Variants in MAGEE1 observed in about 807,000 individuals in gnomAD.
MAGEE1 encodes MAGE family member E1.
MAGEE1 carries 3 observed loss-of-function variants against 12.0 expected under a neutral mutation model. The ratio of observed to expected loss-of-function variants is 0.25; its 90% CI spans 0.11 to 0.65. The LOEUF is 0.65. Ranked by LOEUF, MAGEE1 falls within the 30% of genes least tolerant of loss-of-function variation. The pLI, the probability that MAGEE1 is intolerant of heterozygous loss-of-function variation, is 0.84. For synonymous variants in MAGEE1, 414 were observed against 326.1 expected, an observed-to-expected ratio of 1.27 and a Z score of -2.91; for missense variants, 729 against 772.2, an observed-to-expected ratio of 0.94 and a Z score of 0.66.
In MAGEE1 at chrX:76,431,126, A is replaced by G. The variant is rs1923375266; in HGVS notation, c.*322A>G. 5.0e-6 allele frequency: 1 copy of G among 198,843 alleles called. No individual in the cohort carries two copies. Among genetic ancestry groups the G allele is most frequent in the Admixed American group, 7.3e-5 (1 of 13,649 alleles). The allele number at this position is 198,843 out of a possible 1,213,427, so 16.4% of individuals were successfully genotyped here. On this transcript the variant is annotated 3_prime_UTR_variant, in exon 1 of 1. Transcript: ENST00000361470. ...AAGAATATAGCATATAGCTATAGAT[A>G]TAGGCTTTTCCTTGAAAGCTTGAAA...
Position 76,430,514 on chromosome X carries a change from C to G in MAGEE1, c.2584C>G (p.Arg862Gly). ...ARESAVWAFLRGLGVQAGRKH... is the reference protein window; with the variant it reads ...ARESAVWAFLGGLGVQAGRKH... ...GGAGTCTGCAGTCTGGGCCTTTCTG[C>G]GGGGCTTAGGGGTTCAAGCTGGGAG... Residue 862 changes from arginine to glycine, a missense_variant, in exon 1 of 1, where the codon CGG (arginine) becomes GGG (glycine). This residue lies in a region of MAGEE1 where 101 missense variants were observed against 161.3 expected (regional missense o/e 0.63). Transcript: ENST00000361470. The G allele has an allele frequency of 8.3e-7, 1 of 1,208,088 alleles. No homozygotes were observed. The highest frequency in any genetic ancestry group is 1.1e-6 in the Non-Finnish European group (1 of 893,785).
In MAGEE1 at chrX:76,431,036, G is replaced by A; in HGVS notation, c.*232G>A. 1 of 358,946 alleles carries A rather than the reference G, an allele frequency of 2.8e-6. No homozygotes were observed. The highest frequency in any genetic ancestry group is 4.9e-6 in the Non-Finnish European group (1 of 202,374). The allele number at this position is 358,946 out of a possible 1,213,427, so 29.6% of individuals were successfully genotyped here. On this transcript the variant is annotated 3_prime_UTR_variant, in exon 1 of 1. Coordinates refer to ENST00000361470, the MANE Select transcript of MAGEE1 (RefSeq NM_020932.3). ...CACTTGCTGTCTCTGTTGTATTTTG[G>A]TATGAGTTTTGATAGCTCTATAAAA...
rs782122940 is a variant in MAGEE1 at position 76,429,001 on chromosome X, G to A, written c.1071G>A (p.Leu357=). The change falls in exon 1 of 1, where the codon CTG becomes CTA. Residue 357 remains leucine, a synonymous_variant. Coordinates refer to ENST00000361470, the MANE Select transcript of MAGEE1 (RefSeq NM_020932.3). Reference sequence around the variant, plus strand: ...GTGAGGGACCAAGCACTTCCGTACTGCCAATCCCCGGTGAGGGACTGAGCA... The same window carrying A: ...GTGAGGGACCAAGCACTTCCGTACTACCAATCCCCGGTGAGGGACTGAGCA... ...TPGEGPSTSV[L]PIPGEGLSTS... The A allele has an allele frequency of 2.1e-5, 26 of 1,210,489 alleles. No individual in the cohort carries two copies. The Admixed American group carries it at 5.2e-4, about 24-fold the overall frequency.
In MAGEE1 at chrX:76,429,356, C is replaced by T. The variant is rs782578239; in HGVS notation, c.1426C>T (p.Leu476Phe). 3.3e-6 allele frequency: 4 copies of T among 1,211,536 alleles called. No individual in the cohort carries two copies. In the East Asian group the frequency reaches 8.9e-5, roughly 27 times the overall value. Residue 476 changes from leucine (L) to phenylalanine (F), a missense_variant, in exon 1 of 1, where the codon CTC (leucine) becomes TTC (phenylalanine). Leu to Phe is a conservative substitution (Grantham distance 22). Transcript: ENST00000361470. ...ESPNSISIMG[L>F]NTSRVAITLK... ...CCCCAACTCCATTAGTATTATGGGC[C>T]TCAATACTTCCCGGGTTGCAATTAC... is the stretch of plus-strand genomic sequence containing the variant.
In MAGEE1 at chrX:76,429,994, C is replaced by A. The variant is rs782489423; in HGVS notation, c.2064C>A (p.Asn688Lys). The A allele has an allele frequency of 3.6e-5, 44 of 1,209,869 alleles. No homozygotes were observed. The highest frequency in any genetic ancestry group is 4.7e-5 in the Non-Finnish European group (42 of 894,607). ...CTATGGATTGGCCAGAGAAATACAACGAAGCTCTGGAAGAAGATGCTGCCA... is the reference window on the plus strand; with the variant it reads ...CTATGGATTGGCCAGAGAAATACAAAGAAGCTCTGGAAGAAGATGCTGCCA... ...KDPMDWPEKY[N>K]EALEEDAARA... The change falls in exon 1 of 1, where the codon AAC (asparagine) becomes AAA (lysine). Residue 688 changes from asparagine (N) to lysine (K), a missense_variant. Asn to Lys is a moderately conservative substitution (Grantham distance 94). Coordinates refer to ENST00000361470, the MANE Select transcript of MAGEE1 (RefSeq NM_020932.3).
rs781783810 is a variant in MAGEE1 at position 76,429,064 on chromosome X, C to T, written c.1134C>T (p.Thr378=). 1.7e-6 allele frequency: 2 copies of T among 1,211,893 alleles called. No homozygotes were observed. Among genetic ancestry groups the T allele is most frequent in the Non-Finnish European group, 2.2e-6 (2 of 895,409 alleles). Residue 378 remains threonine, a synonymous_variant, in exon 1 of 1, where the codon ACC becomes ACT. Coordinates refer to ENST00000361470, the MANE Select transcript of MAGEE1 (RefSeq NM_020932.3). ...VPPTASDGSD[T]SVPPTPGEGA... ...CCACCGCCTCTGATGGATCGGACAC[C>T]TCCGTGCCGCCCACTCCTGGTGAGG...
Position 76,430,323 on chromosome X carries a change from A to C in MAGEE1, c.2393A>C (p.Tyr798Ser). The change falls in exon 1 of 1, where the codon TAT becomes TCT. Residue 798 changes from tyrosine to serine, a missense_variant. Physicochemically the swap from Tyr to Ser is moderately radical, Grantham distance 144. Transcript: ENST00000361470. ...GCTGCCCGCACCCTGAACCATGTCT[A>C]TGGGACAGAACTAGTGGTACTTGAT... ...NRAARTLNHVYGTELVVLDPR... is the reference protein window; with the variant it reads ...NRAARTLNHVSGTELVVLDPR... The C allele has an allele frequency of 8.3e-7, 1 of 1,211,945 alleles. No individual in the cohort carries two copies.
chrX:76,428,826 C>A lies in MAGEE1; in HGVS notation c.896C>A (p.Thr299Asn), dbSNP rs782710700. The A allele has an allele frequency of 8.3e-7, 1 of 1,209,958 alleles. No homozygotes were observed. The highest frequency in any genetic ancestry group is 1.1e-6 in the Non-Finnish European group (1 of 894,787). ...GKGSSTSVPPTATEGLSTSVQ... is the reference protein window; with the variant it reads ...GKGSSTSVPPNATEGLSTSVQ... ...GGATCAAGCACCTCCGTGCCCCCCACCGCCACCGAGGGCCTGAGCACCTCC... is the reference window on the plus strand; with the variant it reads ...GGATCAAGCACCTCCGTGCCCCCCAACGCCACCGAGGGCCTGAGCACCTCC... Residue 299 changes from threonine to asparagine, a missense_variant, in exon 1 of 1, where the codon ACC (threonine) becomes AAC (asparagine). Physicochemically the swap from Thr to Asn is moderately conservative, Grantham distance 65. Transcript: ENST00000361470.
rs782105741 is a variant in MAGEE1, at chrX:76,428,688, A to T, written c.758A>T (p.Asp253Val). The change falls in exon 1 of 1, where the codon GAT becomes GTT. Residue 253 changes from aspartate (D) to valine (V), a missense_variant. Physicochemically the swap from Asp to Val is radical, Grantham distance 152 (BLOSUM62 -3). Transcript: ENST00000361470. ...GLSTPVPPTR[D>V]EGPSTSVPAT... ...AGCACCCCCGTGCCACCCACCCGTG[A>T]TGAGGGACCGAGCACCTCCGTGCCG... 3.5e-6 allele frequency: 4 copies of T among 1,135,398 alleles called. No homozygotes were observed. The allele number at this position is 1,135,398 out of a possible 1,213,427, so 93.6% of individuals were successfully genotyped here.
Position 76,430,138 on chromosome X carries a change from C to G in MAGEE1, c.2208C>G (p.Ala736=). Residue 736 remains alanine, a synonymous_variant, in exon 1 of 1, where the codon GCC becomes GCG. Coordinates refer to ENST00000361470, the MANE Select transcript of MAGEE1 (RefSeq NM_020932.3). The part of the protein sequence containing the change: ...SEVSSYSSKY[A]PHSWPESRLE... ...TTTCCAGCTATTCCTCAAAATATGC[C>G]CCACATTCATGGCCTGAGTCAAGAT... is the stretch of plus-strand genomic sequence containing the variant. The G allele has an allele frequency of 1.7e-6, 2 of 1,211,470 alleles. No homozygotes were observed. Among genetic ancestry groups the G allele is most frequent in the Non-Finnish European group, 2.2e-6 (2 of 895,472 alleles).
In MAGEE1 at chrX:76,430,806, G is replaced by A; in HGVS notation, c.*2G>A. 8.6e-7 allele frequency: 1 copy of A among 1,158,511 alleles called. No homozygotes were observed. Among genetic ancestry groups the A allele is most frequent in the Non-Finnish European group, 1.2e-6 (1 of 863,626 alleles). ...ATCTTTGTTCACAACTTCAGGTAGA[G>A]GAATGCATGGCAGTCAGAGGGGCCT... is the stretch of plus-strand genomic sequence containing the variant. On this transcript the variant is annotated 3_prime_UTR_variant, in exon 1 of 1. Transcript: ENST00000361470.
Position 76,428,860 on chromosome X carries a change from C to T in MAGEE1, c.930C>T (p.Pro310=), listed in dbSNP as rs1569336289. 1.7e-6 allele frequency: 2 copies of T among 1,210,193 alleles called. No homozygotes were observed. Among genetic ancestry groups the T allele is most frequent in the East Asian group, 3.0e-5 (1 of 33,716 alleles). ...ATEGLSTSVQ[P]TAGEGSSTSV... ...AGGGCCTGAGCACCTCCGTGCAGCC[C>T]ACTGCTGGTGAGGGATCGAGCACCT... Residue 310 remains proline, a synonymous_variant, in exon 1 of 1, where the codon CCC becomes CCT. Transcript: ENST00000361470.
chrX:76,428,562 C>T lies in MAGEE1; in HGVS notation c.632C>T (p.Ser211Phe), dbSNP rs781944261. 2.5e-6 allele frequency: 3 copies of T among 1,207,179 alleles called. No homozygotes were observed. In the African/African-American group the frequency reaches 5.3e-5, roughly 21 times the overall value. Residue 211 changes from serine (S) to phenylalanine (F), a missense_variant, in exon 1 of 1, where the codon TCC (serine) becomes TTC (phenylalanine). Transcript: ENST00000361470. ...ACACCTGGTGAGGGACCAGGCACCT[C>T]CGTGCCGCTCGCCGCCACTGAGGGC... ...LPTPGEGPGTSVPLAATEGLS... is the reference protein window; with the variant it reads ...LPTPGEGPGTFVPLAATEGLS...
At position 76,428,132 on chromosome X, in the gene MAGEE1, G is replaced by A; in HGVS notation, c.202G>A (p.Val68Ile). 1.7e-6 allele frequency: 2 copies of A among 1,197,227 alleles called. No individual in the cohort carries two copies. Among genetic ancestry groups the A allele is most frequent in the South Asian group, 1.8e-5 (1 of 55,166 alleles). The change falls in exon 1 of 1, where the codon GTT (valine) becomes ATT (isoleucine). Residue 68 changes from valine (V) to isoleucine (I), a missense_variant. Around this residue, in one of 4 missense-constraint regions of MAGEE1, gnomAD observed 473 missense variants for 423.7 expected, o/e 1.12. Coordinates refer to ENST00000361470, the MANE Select transcript of MAGEE1 (RefSeq NM_020932.3). ...LCASEGPSTS[V>I]LPTSAEGPST... ...CGCCTCTGAGGGCCCAAGCACCTCC[G>A]TTCTGCCCACCTCCGCTGAGGGCCC...
Position 76,428,712 on chromosome X carries a change from C to A in MAGEE1, c.782C>A (p.Pro261Gln), listed in dbSNP as rs781867500. Residue 261 changes from proline (P) to glutamine (Q), a missense_variant, in exon 1 of 1, where the codon CCG becomes CAG. This residue lies in a region of MAGEE1 where 473 missense variants were observed against 423.7 expected (regional missense o/e 1.12). Transcript: ENST00000361470. Reference protein sequence around the residue: ...TRDEGPSTSVPATPGEGPSTS... With the variant: ...TRDEGPSTSVQATPGEGPSTS... ...GATGAGGGACCGAGCACCTCCGTGCCGGCCACTCCTGGTGAGGGACCGAGC... is the reference window on the plus strand; with the variant it reads ...GATGAGGGACCGAGCACCTCCGTGCAGGCCACTCCTGGTGAGGGACCGAGC... 7.5e-6 allele frequency: 9 copies of A among 1,206,730 alleles called. No homozygotes were observed. Among genetic ancestry groups the A allele is most frequent in the African/African-American group, 7.1e-5 (4 of 56,492 alleles).
rs782472224 is a variant in MAGEE1, at chrX:76,429,058, G to C, written c.1128G>C (p.Ser376=). ...TGCCGCCCACCGCCTCTGATGGATC[G>C]GACACCTCCGTGCCGCCCACTCCTG... ...TSVPPTASDG[S]DTSVPPTPGE... is the part of the protein sequence containing the mutation. Residue 376 remains serine, a synonymous_variant, in exon 1 of 1, where the codon TCG becomes TCC. Coordinates refer to ENST00000361470, the MANE Select transcript of MAGEE1 (RefSeq NM_020932.3). 5.9e-5 allele frequency: 71 copies of C among 1,210,352 alleles called. No individual in the cohort carries two copies. The Admixed American group carries it at 9.8e-4, about 17-fold the overall frequency.
Position 76,428,755 on chromosome X carries a change from C to T in MAGEE1, c.825C>T (p.Ala275=), listed in dbSNP as rs1013251531. ...GACCGAGCACCTCCGTGCTGCCCGC[C>T]GCCTCTGACGGACAAAGCATCTCCT... ...GEGPSTSVLP[A]ASDGQSISLV... The change falls in exon 1 of 1, where the codon GCC becomes GCT. Residue 275 remains alanine (A), a synonymous_variant. Transcript: ENST00000361470. The T allele has an allele frequency of 8.3e-7, 1 of 1,210,191 alleles. No homozygotes were observed.
Position 76,429,817 on chromosome X carries a change from T to G in MAGEE1, c.1887T>G (p.Ser629=). ...TTGGGAACCCAAAGAGACTTCTGTC[T>G]GTGGAGTTTGTATGGCAGCGTTACT... ...SIFGNPKRLL[S]VEFVWQRYLD... The change falls in exon 1 of 1, where the codon TCT becomes TCG. Residue 629 remains serine, a synonymous_variant. Coordinates refer to ENST00000361470, the MANE Select transcript of MAGEE1 (RefSeq NM_020932.3). The G allele has an allele frequency of 8.3e-7, 1 of 1,211,796 alleles. No homozygotes were observed. The highest frequency in any genetic ancestry group is 1.1e-6 in the Non-Finnish European group (1 of 895,544).
chrX:76,428,880 G>T lies in MAGEE1; in HGVS notation c.950G>T (p.Ser317Ile). 1 of 1,209,735 alleles carries T rather than the reference G, an allele frequency of 8.3e-7. No individual in the cohort carries two copies. The highest frequency in any genetic ancestry group is 1.1e-6 in the Non-Finnish European group (1 of 894,706). Residue 317 changes from serine (S) to isoleucine (I), a missense_variant, in exon 1 of 1, where the codon AGC becomes ATC. Around this residue, in one of 4 missense-constraint regions of MAGEE1, gnomAD observed 473 missense variants for 423.7 expected, o/e 1.12. Coordinates refer to ENST00000361470, the MANE Select transcript of MAGEE1 (RefSeq NM_020932.3). ...SVQPTAGEGSSTSVPPTPGGG... is the reference protein window; with the variant it reads ...SVQPTAGEGSITSVPPTPGGG... ...CAGCCCACTGCTGGTGAGGGATCGA[G>T]CACCTCCGTGCCGCCCACCCCTGGT...
Sources: gnomAD v4.1 joint callset for allele counts on GRCh38, gnomAD v4.1.1 for gene constraint, gnomAD v4.1.1 regional missense constraint, MANE v1.5 for transcripts, NCBI Gene and HGNC (gene_info 2026-07-23, HGNC 2026-07-21) for gene names.